Variants in SIK3 observed in about 807,000 individuals in gnomAD.
SIK3 encodes serine/threonine-protein kinase SIK3.
SIK3 carries 28 observed loss-of-function variants against 144.2 expected under a neutral mutation model. The ratio of observed to expected loss-of-function variants is 0.19; its 90% CI spans 0.14 to 0.27. The LOEUF (loss-of-function observed/expected upper bound fraction) is 0.27. SIK3 is among the 10% of genes least tolerant of loss of function. The pLI is 1.00. For synonymous variants in SIK3, 686 were observed against 676.3 expected (o/e 1.01, Z -0.22); for missense variants, 1,319 against 1,776.0 (o/e 0.74, Z 4.62).
Position 116,873,939 on chromosome 11 carries a change from C to T in SIK3, c.1545G>A (p.Met515Ile), listed in dbSNP as rs1292206480. Residue 515 changes from methionine (M) to isoleucine (I), a missense_variant, in exon 12 of 25, where the codon ATG (methionine) becomes ATA (isoleucine). Transcript: ENST00000445177. ...GTTGCCCGGTTGGTTGCAAGTTTTG[C>T]ATAGGCAACAGGTTGTGCATGAAGT... ...NVNFMHNLLP[M>I]QNLQPTGQLE... is the part of the protein sequence containing the mutation. 2 of 1,613,348 alleles carry T rather than the reference C, an allele frequency of 1.2e-6. No individual in the cohort carries two copies. Among genetic ancestry groups the T allele is most frequent in the East Asian group, 4.5e-5 (2 of 44,850 alleles).
At position 116,863,508 on chromosome 11, in the gene SIK3, C is replaced by T. The variant is rs143080946; in HGVS notation, c.2103+160G>A. Reference sequence around the variant, plus strand: ...CCTCCCAAAGTGCTGGGATTATAGGCGGGATCCACTGCGCCCGGCCCAGAA... The same window carrying T: ...CCTCCCAAAGTGCTGGGATTATAGGTGGGATCCACTGCGCCCGGCCCAGAA... On this transcript the variant is annotated intron_variant, in intron 16 of 24. Coordinates refer to ENST00000445177, the MANE Select transcript of SIK3 (RefSeq NM_001366686.3). 9.3e-3 allele frequency among the ~76,000 whole-genome samples: 1,417 copies of T among 152,236 alleles called. 21 individuals carry two copies. Among genetic ancestry groups the T allele is most frequent in the African/African-American group, 0.032 (1,334 of 41,542 alleles).
At chr11:117,050,316 C>T (rs1428417901) in intron 1 of SIK3, among the ~76,000 whole-genome samples, 2 of 150,322 alleles carry the variant, frequency 1.3e-5, no homozygotes, top group African/African-American at 4.9e-5. Context: ...AAAAAGATAT[C>T]ACCATTGGTG....
chr11:116,994,892 G>T (rs1421902218), intron 1 of SIK3, among the ~76,000 whole-genome samples: 1 of 150,646 alleles, frequency 6.6e-6, no homozygotes, highest in Non-Finnish European at 1.5e-5. Flanking sequence ...GTCCACCTCT[G>T]CAGCAAGCTC....
At chr11:116,924,826 G>C (rs1298433740) in intron 4 of SIK3, among the ~76,000 whole-genome samples, 1 of 152,104 alleles carries the variant, frequency 6.6e-6, no homozygotes, top group Non-Finnish European at 1.5e-5. Flanking sequence ...GTGTCCAGAG[G>C]GCCTTCTTTT....
intron 1 of SIK3, among the ~76,000 whole-genome samples, chr11:117,023,621 A>AAATATATATAT (rs754624841): frequency 6.5e-4 from 62 of 95,372 alleles, no homozygotes; most frequent in African/African-American, 2.3e-3. Flanking sequence ...AAAAAAAAAA[A>AAATATATATAT]ATATATATAT....
chr11:117,012,289 G>GA (rs1951295380), intron 1 of SIK3, among the ~76,000 whole-genome samples: 1 of 152,024 alleles, frequency 6.6e-6, no homozygotes, highest in African/African-American at 2.4e-5. Flanking sequence ...ATACTTTTTA[G>GA]AAAAGTTTTT....
intron 3 of SIK3, among the ~76,000 whole-genome samples, chr11:116,950,967 C>T (rs1948907304): frequency 6.6e-6 from 1 of 152,190 alleles, no homozygotes; most frequent in Non-Finnish European, 1.5e-5. Flanking sequence ...CTTGTTTCAG[C>T]AAGCAAGGCA....
chr11:116,930,400 C>T (rs1367236694), intron 3 of SIK3, among the ~76,000 whole-genome samples: 1 of 152,138 alleles, frequency 6.6e-6, no homozygotes, highest in Non-Finnish European at 1.5e-5. Context: ...GCTTTATATT[C>T]GTATATGCTC....
chr11:116,897,150 G>T, intron 5 of SIK3, 43 bp downstream of exon 5: 1 of 1,596,750 alleles, frequency 6.3e-7, no homozygotes, highest in Non-Finnish European at 8.5e-7. Flanking sequence ...CATCAACCAA[G>T]GGTAGCTAAT....
At chr11:116,926,133 G>A (rs944562286) in intron 4 of SIK3, among the ~76,000 whole-genome samples, 1 of 152,152 alleles carries the variant, frequency 6.6e-6, no homozygotes, top group Non-Finnish European at 1.5e-5. Flanking sequence ...CCTTAGAACT[G>A]CTTTATACCT....
chr11:116,874,347 A>C (rs1019684216), intron 11 of SIK3, among the ~76,000 whole-genome samples: 9 of 152,236 alleles, frequency 5.9e-5, no homozygotes, highest in African/African-American at 2.2e-4. Context: ...TCAGGTTTTC[A>C]AATCCTGGAG....
intron 1 of SIK3, among the ~76,000 whole-genome samples, chr11:116,997,954 G>C (rs996744987): frequency 2.6e-5 from 4 of 151,958 alleles, no homozygotes; most frequent in Admixed American, 2.6e-4. Flanking sequence ...TAAATTCCTG[G>C]GCTCAAGCAA....
intron 6 of SIK3, among the ~76,000 whole-genome samples, chr11:116,881,518 G>C (rs947988422): frequency 1.3e-5 from 2 of 152,136 alleles, no homozygotes; most frequent in Admixed American, 6.6e-5. Flanking sequence ...GTGTGAGTCC[G>C]TATCTGTGAA....
At chr11:116,852,542 G>A (rs542663768) in intron 21 of SIK3, among the ~76,000 whole-genome samples, 1 of 152,182 alleles carries the variant, frequency 6.6e-6, no homozygotes, top group Admixed American at 6.5e-5. Flanking sequence ...TGCTTTGCTG[G>A]GTCTTAGTTA....
At chr11:116,856,383 T>C (rs1386799580) in intron 21 of SIK3, among the ~76,000 whole-genome samples, 1 of 152,174 alleles carries the variant, frequency 6.6e-6, no homozygotes, top group Non-Finnish European at 1.5e-5. Flanking sequence ...TATAAAGGTC[T>C]TCCACAGGGT....
intron 1 of SIK3, among the ~76,000 whole-genome samples, chr11:116,965,779 AT>A (rs1949519597): frequency 9.3e-6 from 1 of 107,370 alleles, no homozygotes; most frequent in African/African-American, 3.7e-5. Flanking sequence ...ATATATATAT[AT>A]ATAAATTAGC....
At chr11:117,042,874 A>G (rs568975864) in intron 1 of SIK3, among the ~76,000 whole-genome samples, 18 of 152,360 alleles carry the variant, frequency 1.2e-4, no homozygotes, top group South Asian at 1.0e-3. Context: ...GCCAAATTCT[A>G]TAAGGAAAAT....
At chr11:116,996,278 A>G (rs1950663141) in intron 1 of SIK3, among the ~76,000 whole-genome samples, 1 of 152,178 alleles carries the variant, frequency 6.6e-6, no homozygotes, top group Non-Finnish European at 1.5e-5. Flanking sequence ...ACTGCACTCC[A>G]GCCTGGGTGA....
At chr11:117,069,320 T>C (rs1336610359) in intron 1 of SIK3, among the ~76,000 whole-genome samples, 1 of 152,188 alleles carries the variant, frequency 6.6e-6, no homozygotes, top group African/African-American at 2.4e-5. Flanking sequence ...GGCCATTTTA[T>C]CTATACTGCT....
Sources: allele counts gnomAD v4.1 joint callset (sites outside exome capture counted in the v4.1 genomes callset), GRCh38; gene constraint gnomAD v4.1.1; transcripts MANE v1.5; gene names NCBI Gene and HGNC (gene_info 2026-07-23, HGNC 2026-07-21).